MYO6: variants seen among roughly 807,000 people sequenced by gnomAD.
MYO6 encodes unconventional myosin-VI.
Under a neutral mutation model 178.7 loss-of-function variants are expected in MYO6, and 74 were observed. The ratio of observed to expected loss-of-function variants is 0.41; its 90% CI spans 0.34 to 0.50. MYO6 has a LOEUF of 0.50. Among genes scored for constraint, MYO6 ranks in the 20% least tolerant of loss-of-function variants. The probability of loss-of-function intolerance (pLI) is 0.09; values close to 1 mark genes in which losing one functional copy is unlikely to be tolerated. For synonymous variants in MYO6, 477 were observed against 504.6 expected (o/e 0.95, Z 0.73); for missense variants, 1,330 against 1,547.4 (o/e 0.86, Z 2.36).
chr6:75,876,926 A>AT (rs1324016131), intron 20 of MYO6, among the ~76,000 whole-genome samples: 2 of 152,136 alleles, frequency 1.3e-5, no homozygotes, highest in Non-Finnish European at 2.9e-5. Context: ...TTAACTTTCC[A>AT]TTTTCATTTT....
chr6:75,811,872 A>G (rs2150149017), intron 1 of MYO6, among the ~76,000 whole-genome samples: 1 of 152,330 alleles, frequency 6.6e-6, no homozygotes, highest in Non-Finnish European at 1.5e-5. Flanking sequence ...ATGTCACTTA[A>G]TCCTCACAGC....
intron 11 of MYO6, among the ~76,000 whole-genome samples, 154 bp downstream of exon 11, chr6:75,848,685 GA>G: frequency 6.6e-6 from 1 of 151,070 alleles, no homozygotes; most frequent in East Asian, 1.9e-4. Flanking sequence ...CCCAAATGAA[GA>G]ATGTTTCATT....
rs1026757322 is a variant in MYO6 at position 75,915,926 on chromosome 6, A to G, written c.*914A>G. The G allele has an allele frequency of 2.0e-5, 3 of 152,590 alleles. No individual in the cohort carries two copies. Among genetic ancestry groups the G allele is most frequent in the Non-Finnish European group, 4.4e-5 (3 of 68,028 alleles). 9.5% of individuals were successfully genotyped at this position (152,590 alleles called of 1,614,324 possible). A position where few individuals can be genotyped will look rare whatever the true frequency, so the allele number is the denominator to read the frequency against. On this transcript the variant is annotated 3_prime_UTR_variant, in exon 35 of 35. Coordinates refer to ENST00000369977, the MANE Select transcript of MYO6 (RefSeq NM_004999.4). ...TGATTTAGTAAGTGTTCTGCTTCCA[A>G]CATCTTTCTTTTTAAGAAATTCCTA...
intron 1 of MYO6, among the ~76,000 whole-genome samples, chr6:75,812,860 T>C (rs2150152075): frequency 6.6e-6 from 1 of 152,334 alleles, no homozygotes; most frequent in East Asian, 1.9e-4. Flanking sequence ...TCATGGGCAC[T>C]TGGGTTGCTT....
chr6:75,780,097 G>GA (rs1442287437), intron 1 of MYO6, among the ~76,000 whole-genome samples: 1 of 151,956 alleles, frequency 6.6e-6, no homozygotes, highest in Admixed American at 6.6e-5. Flanking sequence ...GGAGGTCTAG[G>GA]AAAAAAAATT....
At chr6:75,842,222 A>C (rs1002143613) in intron 9 of MYO6, among the ~76,000 whole-genome samples, 3 of 151,842 alleles carry the variant, frequency 2.0e-5, no homozygotes, top group Admixed American at 6.6e-5. Context: ...ACACACACAC[A>C]CCTGAGCATT....
intron 1 of MYO6, among the ~76,000 whole-genome samples, chr6:75,805,675 A>G (rs991952798): frequency 1.3e-5 from 2 of 152,200 alleles, no homozygotes; most frequent in African/African-American, 4.8e-5. Context: ...ATACATTATC[A>G]ATTGTCAATT....
chr6:75,787,834 A>C (rs1362209387), intron 1 of MYO6, among the ~76,000 whole-genome samples: 1 of 143,212 alleles, frequency 7.0e-6, no homozygotes, highest in Non-Finnish European at 1.5e-5. Context: ...ATCATGGCTC[A>C]CTGCAGCCTT....
At chr6:75,859,337 T>C (rs1241606406) in intron 14 of MYO6, among the ~76,000 whole-genome samples, 2 of 152,142 alleles carry the variant, frequency 1.3e-5, no homozygotes, top group Admixed American at 6.5e-5. Context: ...TCTCATTCTG[T>C]TGCTCAGGCT....
chr6:75,806,484 G>T (rs1156753825), intron 1 of MYO6, among the ~76,000 whole-genome samples: 3 of 152,084 alleles, frequency 2.0e-5, no homozygotes, highest in Non-Finnish European at 4.4e-5. Context: ...GACATGTTCA[G>T]ATTGTTGGGA....
chr6:75,839,027 G>A (rs936642287), intron 7 of MYO6, among the ~76,000 whole-genome samples: 4 of 151,734 alleles, frequency 2.6e-5, no homozygotes, highest in Admixed American at 1.3e-4. Context: ...ATTTCTTTTA[G>A]TTTTAATGTT....
At chr6:75,864,913 G>A (rs1776520669) in intron 16 of MYO6, among the ~76,000 whole-genome samples, 1 of 152,152 alleles carries the variant, frequency 6.6e-6, no homozygotes, top group South Asian at 2.1e-4. Context: ...TACAAGGAGA[G>A]GTTAAGTGAC....
At chr6:75,801,902 T>C (rs1176371442) in intron 1 of MYO6, among the ~76,000 whole-genome samples, 13 of 151,660 alleles carry the variant, frequency 8.6e-5, no homozygotes, top group African/African-American at 2.4e-4. Context: ...GATCACGCCA[T>C]TGTACTCCAG....
In MYO6 at chr6:75,785,950, C is replaced by T. The variant is rs1349243900; in HGVS notation, c.-47-31551C>T. ...TTTTTTTTTGAGATGGAGTCTTGCTCTGTTGCCCAGGCTGGAGTGCAGTGG... is the reference window on the plus strand; with the variant it reads ...TTTTTTTTTGAGATGGAGTCTTGCTTTGTTGCCCAGGCTGGAGTGCAGTGG... On this transcript the variant is annotated intron_variant, in intron 1 of 34. Transcript: ENST00000369977. Among the ~76,000 whole-genome samples, 3 of 151,724 alleles carry T rather than the reference C, an allele frequency of 2.0e-5. No homozygotes were observed. The East Asian group carries it at 5.8e-4, about 29-fold the overall frequency.
intron 5 of MYO6, 31 bp from the exon 6 acceptor site, chr6:75,832,811 G>T (rs774084674): frequency 1.6e-6 from 2 of 1,279,004 alleles, no homozygotes; most frequent in Admixed American, 3.4e-5. Context: ...TTAATATATT[G>T]CTCATCATTA....
chr6:75,776,137 T>G (rs1200483030), intron 1 of MYO6, among the ~76,000 whole-genome samples: 1 of 152,246 alleles, frequency 6.6e-6, no homozygotes, highest in African/African-American at 2.4e-5. Flanking sequence ...TTGTAAACGC[T>G]TGATTTTATT....
intron 22 of MYO6, 149 bp downstream of exon 22, chr6:75,880,269 A>G: frequency 1.5e-6 from 1 of 681,786 alleles, no homozygotes; most frequent in Admixed American, 3.0e-5. Flanking sequence ...ACCATTTCTC[A>G]GAAAAGAAAA....
Position 75,879,949 on chromosome 6 carries a change from A to T in MYO6, c.2207A>T (p.Lys736Met), listed in dbSNP as rs1311257468. 1 of 1,614,166 alleles carries T rather than the reference A, an allele frequency of 6.2e-7. No homozygotes were observed. ...LARLDPRLFC[K>M]ALFKALGLNE... ...AGATTGGATCCAAGACTATTTTGTA[A>T]GGTATAAATGCCACCCAAATTGAAA... The change falls in exon 21 of 35, where the codon AAG (lysine) becomes ATG (methionine). Residue 736 changes from lysine to methionine, a missense_variant and splice_region_variant. Around this residue, in one of 3 missense-constraint regions of MYO6, gnomAD observed 613 missense variants for 816.8 expected, o/e 0.75. Coordinates refer to ENST00000369977, the MANE Select transcript of MYO6 (RefSeq NM_004999.4).
chr6:75,782,775 A>G (rs1251604631), intron 1 of MYO6, among the ~76,000 whole-genome samples: 1 of 152,066 alleles, frequency 6.6e-6, no homozygotes, highest in Non-Finnish European at 1.5e-5. Flanking sequence ...TAAGCTGAAA[A>G]CAAATTCTCT....
Sources: gnomAD v4.1 joint callset for allele counts (sites outside exome capture counted in the v4.1 genomes callset) on GRCh38, gnomAD v4.1.1 for gene constraint, gnomAD v4.1.1 regional missense constraint, MANE v1.5 for transcripts, NCBI Gene and HGNC (gene_info 2026-07-23, HGNC 2026-07-21) for gene names.